The following NAT1 variants were observed in gnomAD, a reference collection of about 807,000 sequenced individuals.
NAT1 encodes the protein N-acetyltransferase 1, also known as arylamine N-acetyltransferase 1.
For synonymous variants in NAT1, 144 were observed against 122.6 expected (o/e 1.17, Z -1.16); for missense variants, 400 against 339.2 (o/e 1.18, Z -1.41).
chr8:18,218,036 ATCCT>A (rs1289239828), intron 1 of NAT1, among the ~76,000 whole-genome samples: 1 of 152,146 alleles, frequency 6.6e-6, no homozygotes. Context: ...GGGAGGAGAC[ATCCT>A]TGAGCAAGCG....
rs1030529027 is a variant in NAT1, at chr8:18,193,851, A to G, written n.93-15930A>G. Among the ~76,000 whole-genome samples, 21 of 151,794 alleles carry G rather than the reference A, an allele frequency of 1.4e-4. 1 individual carries two copies. The highest frequency in any genetic ancestry group is 5.9e-5 in the Non-Finnish European group (4 of 67,954). On this transcript the variant is annotated intron_variant and non_coding_transcript_variant, in intron 2 of 4. Transcript: ENST00000517441. ...AGACAGGGTTTCATCATGTTGGCCG[A>G]GCTGGTCTTGAACTCCTGACCTCAG...
intron 1 of NAT1, chr8:18,216,840 G>A: frequency 7.7e-7 from 1 of 1,296,316 alleles, no homozygotes; most frequent in Admixed American, 2.1e-5. Flanking sequence ...AATGGTAAGG[G>A]GGAACTCATA....
chr8:18,185,137 C>T (rs1461872858), intron 2 of NAT1, among the ~76,000 whole-genome samples: 1 of 152,034 alleles, frequency 6.6e-6, no homozygotes, highest in Non-Finnish European at 1.5e-5. Flanking sequence ...TCGGGAATGT[C>T]CGTATCAAGT....
chr8:18,198,403 T>C (rs1263164928), intron 2 of NAT1, among the ~76,000 whole-genome samples: 1 of 152,198 alleles, frequency 6.6e-6, no homozygotes, highest in East Asian at 1.9e-4. Context: ...CCTAACCACA[T>C]AAGATTCTTA....
upstream of NAT1, among the ~76,000 whole-genome samples, chr8:18,207,492 C>T (rs766247664): frequency 5.9e-5 from 9 of 152,070 alleles, no homozygotes; most frequent in South Asian, 2.1e-4. Flanking sequence ...GCCATTTTCA[C>T]GATATTGATT....
At chr8:18,188,667 A>T (rs1802843736) in intron 2 of NAT1, among the ~76,000 whole-genome samples, 1 of 151,904 alleles carries the variant, frequency 6.6e-6, no homozygotes, top group Non-Finnish European at 1.5e-5. Context: ...ATGAAATTTA[A>T]TTTTTTAATT....
chr8:18,202,067 A>ATC (rs914152598), intron 2 of NAT1, among the ~76,000 whole-genome samples: 21 of 152,296 alleles, frequency 1.4e-4, no homozygotes, highest in Middle Eastern at 3.4e-3. Context: ...TTGTAAGCGC[A>ATC]TCTCTCTCTC....
chr8:18,213,211 C>T (rs1160998914), intron 1 of NAT1, among the ~76,000 whole-genome samples: 3 of 152,000 alleles, frequency 2.0e-5, no homozygotes, highest in Non-Finnish European at 4.4e-5. Flanking sequence ...TGCACCAAGA[C>T]CCGATAGGTC....
chr8:18,206,146 C>T (rs1371977338), upstream of NAT1, among the ~76,000 whole-genome samples: 1 of 152,214 alleles, frequency 6.6e-6, no homozygotes, highest in Non-Finnish European at 1.5e-5. Flanking sequence ...TCTCCTTCTG[C>T]TGGAGTTCCA....
intron 2 of NAT1, among the ~76,000 whole-genome samples, chr8:18,220,630 T>C (rs1385495003): frequency 6.6e-6 from 1 of 152,200 alleles, no homozygotes; most frequent in Non-Finnish European, 1.5e-5. Context: ...CTTTCCTCAT[T>C]CTACCTTCTG....
At chr8:18,172,668 C>T (rs532541462) in intron 2 of NAT1, among the ~76,000 whole-genome samples, 25 of 152,236 alleles carry the variant, frequency 1.6e-4, no homozygotes, top group African/African-American at 2.2e-4. Flanking sequence ...TATCATTATT[C>T]GGATAAACAT....
chr8:18,177,299 G>C (rs1489524426), intron 2 of NAT1, among the ~76,000 whole-genome samples: 4 of 151,922 alleles, frequency 2.6e-5, no homozygotes, highest in Admixed American at 2.0e-4. Context: ...AATAGGTTTT[G>C]GAATATACAA....
At chr8:18,197,287 G>A (rs1235867095) in intron 2 of NAT1, among the ~76,000 whole-genome samples, 1 of 151,950 alleles carries the variant, frequency 6.6e-6, no homozygotes, top group Non-Finnish European at 1.5e-5. Context: ...TTGTGACACA[G>A]ATTTTTTTTA....
chr8:18,188,447 A>G (rs1024020148), intron 2 of NAT1, among the ~76,000 whole-genome samples: 1 of 152,156 alleles, frequency 6.6e-6, no homozygotes, highest in Non-Finnish European at 1.5e-5. Context: ...GGCAAAATAT[A>G]CATTTATAAA....
At chr8:18,186,339 G>C (rs1321891286) in intron 2 of NAT1, among the ~76,000 whole-genome samples, 1 of 152,092 alleles carries the variant, frequency 6.6e-6, no homozygotes. Context: ...ATTATGAAGT[G>C]CTCCTCTTAA....
At chr8:18,176,151 G>A (rs777261797) in intron 2 of NAT1, among the ~76,000 whole-genome samples, 2 of 151,918 alleles carry the variant, frequency 1.3e-5, no homozygotes, top group Non-Finnish European at 2.9e-5. Context: ...CTCCCCATCC[G>A]TGGGTGGTCT....
intron 2 of NAT1, among the ~76,000 whole-genome samples, chr8:18,184,349 C>T (rs141926325): frequency 8.1e-4 from 124 of 152,214 alleles, no homozygotes; most frequent in African/African-American, 2.8e-3. Context: ...GAGCAGCCCA[C>T]GGAGGGCGCC....
At chr8:18,190,132 A>T (rs1231884875) in intron 2 of NAT1, among the ~76,000 whole-genome samples, 1 of 152,178 alleles carries the variant, frequency 6.6e-6, no homozygotes. Context: ...TTTTAATTTA[A>T]TTCAGCTCTT....
intron 2 of NAT1, chr8:18,170,760 A>G (rs1039927308): frequency 2.0e-5 from 3 of 152,184 alleles, no homozygotes; most frequent in Non-Finnish European, 4.4e-5. Flanking sequence ...TCCAGGGCCC[A>G]TTGAGCCCAG....
Sources: gnomAD v4.1 joint callset for allele counts (sites outside exome capture counted in the v4.1 genomes callset) on GRCh38, gnomAD v4.1.1 for gene constraint, MANE v1.5 for transcripts, NCBI Gene and HGNC (gene_info 2026-07-23, HGNC 2026-07-21) for gene names.